Variants in ECE2 observed in about 807,000 individuals in gnomAD.
ECE2 encodes endothelin converting enzyme 2.
ECE2 carries 81 observed loss-of-function variants against 100.6 expected under a neutral mutation model. The ratio of observed to expected loss-of-function variants is 0.81; its 90% CI spans 0.67 to 0.97. ECE2 has a LOEUF of 0.97. ECE2 is among the 50% of genes least tolerant of loss of function. The pLI is 0.00. For missense variants in ECE2, 911 were observed against 988.1 expected (o/e 0.92, Z 1.05); for synonymous variants, 391 against 391.5 (o/e 1.00, Z 0.02).
At chr3:184,287,731 C>A (rs1435346848) in intron 10 of ECE2, 106 bp from the exon 11 acceptor site, 3 of 982,830 alleles carry the variant, frequency 3.1e-6, no homozygotes, top group Admixed American at 4.1e-5. Flanking sequence ...AAACCCAGGA[C>A]TCTTGTCCAG....
Position 184,291,403 on chromosome 3 carries a change from C to T in ECE2, c.2085C>T (p.Leu695=). The change falls in exon 18 of 19, where the codon CTC becomes CTT. Residue 695 remains leucine, a synonymous_variant. Transcript: ENST00000404464. The surrounding 1 kb of genome is among the most constrained non-coding windows in gnomAD (Gnocchi z 4.1). ...GEEQQLPAVG[L]TNHQLFFVGF... ...AGCAGCAACTGCCAGCCGTGGGGCTCACCAACCACCAGCTCTTCTTCGTGG... is the reference window on the plus strand; with the variant it reads ...AGCAGCAACTGCCAGCCGTGGGGCTTACCAACCACCAGCTCTTCTTCGTGG... 6.2e-7 allele frequency: 1 copy of T among 1,604,520 alleles called. No homozygotes were observed. The highest frequency in any genetic ancestry group is 1.1e-5 in the South Asian group (1 of 89,392).
In ECE2 at chr3:184,290,369, C is replaced by T. The variant is rs1303708791; in HGVS notation, c.1655+11C>T. On this transcript the variant is annotated intron_variant, in intron 14 of 18. Transcript: ENST00000404464. The stretch of plus-strand genomic sequence containing the variant: ...TCCCAGCCGAGACCAGTGAGAATGA[C>T]GGGGTGGACATAGACACTAGGGGTG... 8 of 1,611,844 alleles carry T rather than the reference C, an allele frequency of 5.0e-6. No homozygotes were observed. The South Asian group carries it at 5.5e-5, about 11-fold the overall frequency.
intron 11 of ECE2, among the ~76,000 whole-genome samples, chr3:184,288,309 CAAAAAAAAAAA>C (rs10608428): frequency 1.1e-5 from 1 of 91,472 alleles, no homozygotes. Flanking sequence ...AACTCTGTCT[CAAAAAAAAAAA>C]AAAAAAAAAA....
chr3:184,285,524 T>G lies in ECE2; in HGVS notation c.1195T>G (p.Ser399Ala). Reference sequence around the variant, plus strand: ...CTGGAACCTGGTGCAAAAGACAACCTCAAGCCTGGACCGACGCTTTGAGTC... The same window carrying G: ...CTGGAACCTGGTGCAAAAGACAACCGCAAGCCTGGACCGACGCTTTGAGTC... ...LIWNLVQKTT[S>A]SLDRRFESAQ... is the part of the protein sequence containing the mutation. Residue 399 changes from serine (S) to alanine (A), a missense_variant, in exon 10 of 19, where the codon TCA (serine) becomes GCA (alanine). Physicochemically the swap from Ser to Ala is moderately conservative, Grantham distance 99. Transcript: ENST00000404464. The G allele has an allele frequency of 6.2e-7, 1 of 1,614,192 alleles. No individual in the cohort carries two copies. Among genetic ancestry groups the G allele is most frequent in the Non-Finnish European group, 8.5e-7 (1 of 1,180,042 alleles).
chr3:184,278,404 C>T (rs1720667001), intron 6 of ECE2, 88 bp from the exon 7 acceptor site: 2 of 1,587,128 alleles, frequency 1.3e-6, no homozygotes, highest in Non-Finnish European at 1.7e-6. Flanking sequence ...TGGGCTGACC[C>T]CCCGGCCCCA....
chr3:184,285,626 C>T (rs1381559902), intron 10 of ECE2, 34 bp downstream of exon 10: 2 of 1,455,556 alleles, frequency 1.4e-6, no homozygotes, highest in Non-Finnish European at 1.9e-6. Context: ...ACGTTCTGAT[C>T]CAGTCTAACC....
In ECE2 at chr3:184,291,873, G is replaced by A. The variant is rs1387194819; in HGVS notation, c.2122-189G>A. 17 of 630,654 alleles carry A rather than the reference G, an allele frequency of 2.7e-5. No individual in the cohort carries two copies. The highest frequency in any genetic ancestry group is 3.8e-5 in the Non-Finnish European group (14 of 372,170). The allele number at this position is 630,654 out of a possible 1,614,324, so 39.1% of individuals were successfully genotyped here. A position where few individuals can be genotyped will look rare whatever the true frequency, so the allele number is the denominator to read the frequency against. On this transcript the variant is annotated intron_variant, in intron 18 of 18. Transcript: ENST00000404464. This position sits in a 1 kb window ranked among gnomAD's most constrained non-coding sequence, Gnocchi z 4.1. ...CTCCGCTGGGCAGCCACAGCAGGCA[G>A]CTTCTGGGGCTCCGCTTTTTCCCCT...
Position 184,290,636 on chromosome 3 carries a change from C to G in ECE2, c.1735C>G (p.Gln579Glu). 1 of 1,614,194 alleles carries G rather than the reference C, an allele frequency of 6.2e-7. No homozygotes were observed. The highest frequency in any genetic ancestry group is 1.6e-4 in the Middle Eastern group (1 of 6,062). Residue 579 changes from glutamine (Q) to glutamate (E), a missense_variant, in exon 15 of 19, where the codon CAG (glutamine) becomes GAG (glutamate). Gln to Glu is a conservative substitution (Grantham distance 29). Coordinates refer to ENST00000404464, the MANE Select transcript of ECE2 (RefSeq NM_001100121.2). ...GATCGTCTTCCCCGCTGGCATCCTG[C>G]AGGCCCCCTTCTATGCCCGCAACCA... ...NEIVFPAGIL[Q>E]APFYARNHPK...
At chr3:184,278,631 G>A (rs1317591325) in intron 7 of ECE2, 74 bp downstream of exon 7, 1 of 1,547,058 alleles carries the variant, frequency 6.5e-7, no homozygotes, top group Non-Finnish European at 8.9e-7. Context: ...TTTTCCCTTT[G>A]CCAAGGGTCA....
At chr3:184,290,446 T>C in intron 14 of ECE2, 88 bp downstream of exon 14, 1 of 1,562,150 alleles carries the variant, frequency 6.4e-7, no homozygotes, top group Admixed American at 1.7e-5. Flanking sequence ...GTGGCAAGAC[T>C]GGTCCCAGAC....
chr3:184,284,774 A>G (rs939370734), intron 8 of ECE2, among the ~76,000 whole-genome samples, 189 bp from the exon 9 acceptor site: 4 of 152,180 alleles, frequency 2.6e-5, no homozygotes, highest in Admixed American at 2.6e-4. Flanking sequence ...TCCTTGTATA[A>G]TAAGTGGTTG....
At chr3:184,288,309 C>CAAAAAAAAAAAAAAAAAA in intron 11 of ECE2, among the ~76,000 whole-genome samples, 1 of 91,472 alleles carries the variant, frequency 1.1e-5, no homozygotes, top group Non-Finnish European at 2.0e-5. Flanking sequence ...AACTCTGTCT[C>CAAAAAAAAAAAAAAAAAA]AAAAAAAAAA....
chr3:184,290,594 C>T lies in ECE2; in HGVS notation c.1693C>T (p.Leu565Phe), dbSNP rs759433246. 3.1e-6 allele frequency: 5 copies of T among 1,614,196 alleles called. No individual in the cohort carries two copies. Among genetic ancestry groups the T allele is most frequent in the South Asian group, 2.2e-5 (2 of 91,086 alleles). Residue 565 changes from leucine (L) to phenylalanine (F), a missense_variant, in exon 15 of 19, where the codon CTT becomes TTT. Transcript: ENST00000404464. ...CCCCCAGACAGTGAATGCCTACTAC[C>T]TTCCAACTAAGAATGAGATCGTCTT... ...MTPQTVNAYY[L>F]PTKNEIVFPA...
chr3:184,279,309 C>CAAAA (rs60647349), intron 7 of ECE2, among the ~76,000 whole-genome samples: 1 of 79,016 alleles, frequency 1.3e-5, no homozygotes, highest in Non-Finnish European at 2.4e-5. Flanking sequence ...GACTCCGACT[C>CAAAA]AAAAAAAAAA....
chr3:184,276,844 A>G, intron 2 of ECE2, 48 bp from the exon 3 acceptor site: 1 of 1,605,476 alleles, frequency 6.2e-7, no homozygotes, highest in Non-Finnish European at 8.5e-7. Flanking sequence ...GTAATCTTGG[A>G]TCCCTGCCCT....
chr3:184,291,815 G>C lies in ECE2; in HGVS notation c.2122-247G>C, dbSNP rs534073684. The C allele has an allele frequency of 6.8e-4, 380 of 558,486 alleles. No homozygotes were observed. Among genetic ancestry groups the C allele is most frequent in the Non-Finnish European group, 1.0e-3 (331 of 315,660 alleles). The allele number at this position is 558,486 out of a possible 1,614,324, so 34.6% of individuals were successfully genotyped here. A position where few individuals can be genotyped will look rare whatever the true frequency, so the allele number is the denominator to read the frequency against. ...GCCTGTCCAGGGCTGCCCAGGAATAGAGTAAGTGGCAGAGCAAGGACCCAG... is the reference window on the plus strand; with the variant it reads ...GCCTGTCCAGGGCTGCCCAGGAATACAGTAAGTGGCAGAGCAAGGACCCAG... On this transcript the variant is annotated intron_variant, in intron 18 of 18. Transcript: ENST00000404464. This position sits in a 1 kb window ranked among gnomAD's most constrained non-coding sequence, Gnocchi z 4.1.
At chr3:184,280,714 C>G (rs1343300296) in intron 7 of ECE2, among the ~76,000 whole-genome samples, 1 of 151,930 alleles carries the variant, frequency 6.6e-6, no homozygotes, top group Non-Finnish European at 1.5e-5. Flanking sequence ...TGTGGTGGCT[C>G]TCACCTGTAA....
rs761989548 is a variant in ECE2 at position 184,283,928 on chromosome 3, C to T, written c.960C>T (p.Arg320=). Residue 320 remains arginine, a synonymous_variant, in exon 8 of 19, where the codon CGC becomes CGT. Coordinates refer to ENST00000404464, the MANE Select transcript of ECE2 (RefSeq NM_001100121.2). The part of the protein sequence containing the change: ...ANITVPQDQR[R]DEEKIYHKMS... Reference sequence around the variant, plus strand: ...TCACAGTGCCCCAGGACCAGCGGCGCGACGAGGAGAAGATCTACCACAAGA... The same window carrying T: ...TCACAGTGCCCCAGGACCAGCGGCGTGACGAGGAGAAGATCTACCACAAGA... 1.3e-5 allele frequency: 21 copies of T among 1,613,822 alleles called. No individual in the cohort carries two copies. The highest frequency in any genetic ancestry group is 4.4e-5 in the South Asian group (4 of 91,078).
chr3:184,280,831 T>G (rs1348563712), intron 7 of ECE2, among the ~76,000 whole-genome samples: 3 of 151,788 alleles, frequency 2.0e-5, no homozygotes, highest in Non-Finnish European at 4.4e-5. Context: ...ATACAAAAAT[T>G]AGCCCGACGT....
Sources: allele counts gnomAD v4.1 joint callset (sites outside exome capture counted in the v4.1 genomes callset), GRCh38; gene constraint gnomAD v4.1.1; non-coding constraint Gnocchi (gnomAD v3.1); transcripts MANE v1.5; gene names NCBI Gene and HGNC (gene_info 2026-07-23, HGNC 2026-07-21).